The following AFTPH variants were observed in gnomAD, a reference collection of about 807,000 sequenced individuals.
AFTPH encodes aftiphilin.
Under a neutral mutation model 72.5 loss-of-function variants are expected in AFTPH, and 7 were observed. The observed-to-expected ratio is 0.10, with a 90% CI of 0.05 to 0.18. The LOEUF is 0.18. AFTPH is among the 10% of genes least tolerant of loss of function. The probability of loss-of-function intolerance (pLI) is 1.00; values close to 1 mark genes in which losing one functional copy is unlikely to be tolerated. For missense variants in AFTPH, 979 were observed against 1,060.5 expected (o/e 0.92, Z 1.07); for synonymous variants, 337 against 370.1 (o/e 0.91, Z 1.03).
chr2:64,565,664 A>C (rs1347909255), intron 2 of AFTPH, among the ~76,000 whole-genome samples: 1 of 152,124 alleles, frequency 6.6e-6, no homozygotes, highest in Non-Finnish European at 1.5e-5. Flanking sequence ...TTTCACTGGA[A>C]CATACCCATG....
chr2:64,525,737 AAC>A (rs1669221972), intron 1 of AFTPH, among the ~76,000 whole-genome samples: 1 of 152,232 alleles, frequency 6.6e-6, no homozygotes, highest in Admixed American at 6.5e-5. Flanking sequence ...TAATATAATT[AAC>A]ACAGTCACGT....
chr2:64,577,710 C>T (rs1157009448), intron 6 of AFTPH, among the ~76,000 whole-genome samples: 3 of 152,100 alleles, frequency 2.0e-5, no homozygotes, highest in Non-Finnish European at 4.4e-5. Flanking sequence ...TATTTATTAG[C>T]TGTGCAGGTA....
At chr2:64,529,277 A>G (rs1360109768) in intron 1 of AFTPH, among the ~76,000 whole-genome samples, 5 of 150,696 alleles carry the variant, frequency 3.3e-5, no homozygotes, top group East Asian at 3.9e-4. Context: ...TCCTCTGTCA[A>G]TTAAATCCTT....
At chr2:64,590,896 A>G (rs990248194) in intron 8 of AFTPH, among the ~76,000 whole-genome samples, 1 of 152,234 alleles carries the variant, frequency 6.6e-6, no homozygotes, top group African/African-American at 2.4e-5. Context: ...CCAAGGAAAA[A>G]GGAAACATTT....
intron 3 of AFTPH, among the ~76,000 whole-genome samples, chr2:64,568,036 A>G (rs996831615): frequency 1.3e-5 from 2 of 151,860 alleles, no homozygotes; most frequent in African/African-American, 2.4e-5. Flanking sequence ...ACAAGGCTCT[A>G]TCTCCAAAAA....
exon 2 of AFTPH, chr2:64,551,698 T>C (rs1671057672): frequency 1.9e-6 from 3 of 1,613,858 alleles, no homozygotes; most frequent in South Asian, 1.1e-5. Flanking sequence ...TCAGAAAATG[T>C]AGATAGCCTT....
chr2:64,529,821 G>A (rs544461179), intron 1 of AFTPH, among the ~76,000 whole-genome samples: 2 of 152,112 alleles, frequency 1.3e-5, no homozygotes, highest in East Asian at 3.9e-4. Context: ...AGTAGAGACA[G>A]GGCCTTGTTA....
chr2:64,550,318 C>A (rs1343417982), intron 1 of AFTPH, among the ~76,000 whole-genome samples: 1 of 151,972 alleles, frequency 6.6e-6, no homozygotes, highest in African/African-American at 2.4e-5. Context: ...GAGGATTGCT[C>A]AGCCCAAGAA....
intron 2 of AFTPH, among the ~76,000 whole-genome samples, chr2:64,564,411 A>C (rs1283635313): frequency 1.3e-5 from 2 of 152,114 alleles, no homozygotes; most frequent in Non-Finnish European, 2.9e-5. Context: ...CTGAATTATC[A>C]TCCACCTCGT....
In AFTPH at chr2:64,552,016, T is replaced by G. The variant is rs146746206; in HGVS notation, c.542T>G (p.Ile181Ser). The G allele has an allele frequency of 5.2e-4, 840 of 1,613,816 alleles. 2 individuals carry two copies. The highest frequency in any genetic ancestry group is 6.6e-4 in the Non-Finnish European group (778 of 1,179,974). The change falls in exon 2 of 9, where the codon ATT becomes AGT. Residue 181 changes from isoleucine to serine, a missense_variant. This residue lies in a region of AFTPH where 498 missense variants were observed against 467.6 expected (regional missense o/e 1.06). Transcript: ENST00000238856. Reference sequence around the variant, plus strand: ...GGTGAAAAGCCTCCTTGTCTGGAGATTCTAACAAATGGGTTTGCAGTGTTG... The same window carrying G: ...GGTGAAAAGCCTCCTTGTCTGGAGAGTCTAACAAATGGGTTTGCAGTGTTG...
At chr2:64,582,191 C>T (rs972198934) in intron 7 of AFTPH, among the ~76,000 whole-genome samples, 1 of 152,168 alleles carries the variant, frequency 6.6e-6, no homozygotes, top group African/African-American at 2.4e-5. Flanking sequence ...CCTTTCTGTC[C>T]CCACTAGTGG....
chr2:64,536,909 C>T, intron 1 of AFTPH, among the ~76,000 whole-genome samples: 1 of 133,244 alleles, frequency 7.5e-6, no homozygotes, highest in African/African-American at 2.9e-5. Flanking sequence ...GCCATGATTG[C>T]ACCACTGTAC....
At chr2:64,544,229 G>T (rs1358046838) in intron 1 of AFTPH, among the ~76,000 whole-genome samples, 1 of 152,186 alleles carries the variant, frequency 6.6e-6, no homozygotes, top group African/African-American at 2.4e-5. Context: ...AGTACAGGAA[G>T]CCCACCCAAA....
intron 1 of AFTPH, among the ~76,000 whole-genome samples, chr2:64,546,743 A>G (rs748496927): frequency 3.9e-5 from 6 of 152,104 alleles, no homozygotes; most frequent in Non-Finnish European, 7.4e-5. Context: ...CTACAGTACT[A>G]CCATCACAAG....
exon 6 of AFTPH, chr2:64,572,977 A>C: frequency 6.2e-7 from 1 of 1,614,092 alleles, no homozygotes; most frequent in Non-Finnish European, 8.5e-7. Context: ...GAACCACTGA[A>C]ACCACTTTCT....
At chr2:64,572,135 G>A (rs750016645) in intron 5 of AFTPH, among the ~76,000 whole-genome samples, 2 of 150,690 alleles carry the variant, frequency 1.3e-5, no homozygotes, top group South Asian at 2.1e-4. Flanking sequence ...CAGGAGAATC[G>A]CTTGAACCTG....
At chr2:64,558,967 GAAAA>G (rs1316794547) in intron 2 of AFTPH, among the ~76,000 whole-genome samples, 1 of 151,848 alleles carries the variant, frequency 6.6e-6, no homozygotes, top group Non-Finnish European at 1.5e-5. Context: ...GGCATACCCA[GAAAA>G]AAAACCCAGG....
chr2:64,572,805 A>T (rs1573018967), intron 5 of AFTPH, 141 bp from the exon 6 acceptor site: 1 of 316,046 alleles, frequency 3.2e-6, no homozygotes, highest in South Asian at 1.0e-4. Context: ...TTGTCTCTTA[A>T]AAAAAAAAAA....
chr2:64,529,187 CTGTGT>C (rs2103798236), intron 1 of AFTPH, among the ~76,000 whole-genome samples: 1 of 152,274 alleles, frequency 6.6e-6, no homozygotes, highest in African/African-American at 2.4e-5. Context: ...TTCATATATC[CTGTGT>C]TCTAACCATA....
Sources: allele counts gnomAD v4.1 joint callset (sites outside exome capture counted in the v4.1 genomes callset), GRCh38; gene constraint gnomAD v4.1.1; regional missense constraint gnomAD v4.1.1; transcripts MANE v1.5; gene names NCBI Gene and HGNC (gene_info 2026-07-23, HGNC 2026-07-21).